BOC: variants seen among roughly 807,000 people sequenced by gnomAD.
The protein encoded by BOC is BOC cell adhesion associated, oncogene regulated.
BOC carries 76 observed loss-of-function variants against 112.0 expected under a neutral mutation model. The observed-to-expected ratio is 0.68, with a 90% confidence interval of 0.56 to 0.82. BOC has a LOEUF of 0.82. Ranked by LOEUF, BOC falls within the 40% of genes least tolerant of loss-of-function variation. BOC has a pLI of 0.00. For synonymous variants in BOC, 580 were observed against 599.8 expected (o/e 0.97, Z 0.48); for missense variants, 1,309 against 1,511.7 (o/e 0.87, Z 2.22).
At position 113,281,647 on chromosome 3, in the gene BOC, T is replaced by A. The variant is rs146033609; in HGVS notation, c.2434+494T>A. Reference sequence around the variant, plus strand: ...TTAAAACATGTTAAACATAGTCACATAATAACTTGTTAATATTTGCACATT... The same window carrying A: ...TTAAAACATGTTAAACATAGTCACAAAATAACTTGTTAATATTTGCACATT... On this transcript the variant is annotated intron_variant, in intron 15 of 19. Coordinates refer to ENST00000682979, the MANE Select transcript of BOC (RefSeq NM_001378074.1). 9.8e-5 allele frequency among the ~76,000 whole-genome samples: 15 copies of A among 152,344 alleles called. No individual in the cohort carries two copies. In the East Asian group the frequency reaches 2.9e-3, roughly 29 times the overall value.
intron 2 of BOC, among the ~76,000 whole-genome samples, chr3:113,240,372 A>G (rs1311737309): frequency 1.3e-5 from 2 of 151,958 alleles, no homozygotes; most frequent in African/African-American, 4.8e-5. Flanking sequence ...TACTCGCACC[A>G]CTCTGTCAGG....
chr3:113,283,947 C>T (rs947394706), intron 16 of BOC, among the ~76,000 whole-genome samples: 2 of 152,016 alleles, frequency 1.3e-5, no homozygotes, highest in African/African-American at 4.8e-5. Context: ...CTGCCTCTTC[C>T]CTGGGTGCGG....
chr3:113,252,168 C>T (rs1945714794), intron 4 of BOC, among the ~76,000 whole-genome samples: 1 of 152,168 alleles, frequency 6.6e-6, no homozygotes, highest in Admixed American at 6.5e-5. Context: ...AGCCTGTGGC[C>T]AGGAAGCTTA....
At chr3:113,227,685 TG>T (rs1298309497) in intron 2 of BOC, among the ~76,000 whole-genome samples, 4 of 152,104 alleles carry the variant, frequency 2.6e-5, no homozygotes, top group African/African-American at 9.7e-5. Context: ...GGTGCAGGAT[TG>T]GGAAGGTTTG....
intron 4 of BOC, among the ~76,000 whole-genome samples, chr3:113,254,684 C>T (rs1026846992): frequency 1.3e-5 from 2 of 152,228 alleles, no homozygotes; most frequent in Non-Finnish European, 1.5e-5. Flanking sequence ...TTTCCTCTGG[C>T]CTCTTCTCCA....
chr3:113,276,245 G>A (rs961592930), intron 9 of BOC, among the ~76,000 whole-genome samples: 1 of 152,216 alleles, frequency 6.6e-6, no homozygotes, highest in Admixed American at 6.5e-5. Flanking sequence ...TCGCAGAAGA[G>A]GCAGATTGGC....
intron 1 of BOC, among the ~76,000 whole-genome samples, chr3:113,213,208 G>C (rs1305119654): frequency 6.6e-6 from 1 of 152,146 alleles, no homozygotes; most frequent in Non-Finnish European, 1.5e-5. Context: ...AGTTCAAATG[G>C]GTTCGCCTAA....
intron 2 of BOC, among the ~76,000 whole-genome samples, chr3:113,234,186 T>G (rs1943105948): frequency 6.6e-6 from 1 of 152,224 alleles, no homozygotes. Flanking sequence ...CACATAGACT[T>G]CTGTTAGCTC....
At chr3:113,254,626 G>A (rs1576425378) in intron 4 of BOC, among the ~76,000 whole-genome samples, 1 of 152,210 alleles carries the variant, frequency 6.6e-6, no homozygotes, top group South Asian at 2.1e-4. Flanking sequence ...GCGGCGTGCC[G>A]GTGCACACGC....
intron 2 of BOC, among the ~76,000 whole-genome samples, chr3:113,218,396 C>T (rs748045232): frequency 6.6e-6 from 1 of 152,168 alleles, no homozygotes; most frequent in African/African-American, 2.4e-5. Flanking sequence ...TGGGTTTATT[C>T]GTTTTTCTGT....
intron 4 of BOC, among the ~76,000 whole-genome samples, chr3:113,258,552 T>C (rs1197732143): frequency 6.6e-6 from 1 of 152,198 alleles, no homozygotes; most frequent in Non-Finnish European, 1.5e-5. Flanking sequence ...TCGCTCCAAA[T>C]TGGAAAAACA....
chr3:113,237,960 A>G (rs1943788864), intron 2 of BOC, among the ~76,000 whole-genome samples: 1 of 152,178 alleles, frequency 6.6e-6, no homozygotes, highest in Non-Finnish European at 1.5e-5. Context: ...CCTTGCCTTC[A>G]ATGAGTTTAT....
chr3:113,285,979 T>C (rs1949645444), intron 19 of BOC, among the ~76,000 whole-genome samples: 1 of 152,210 alleles, frequency 6.6e-6, no homozygotes. Flanking sequence ...GGAATAAGGT[T>C]GCCTCAATCA....
chr3:113,262,329 C>T (rs576069751), intron 4 of BOC, among the ~76,000 whole-genome samples: 1 of 152,274 alleles, frequency 6.6e-6, no homozygotes, highest in South Asian at 2.1e-4. Context: ...ATTATTGTGT[C>T]CTGCCTTGTC....
At position 113,232,455 on chromosome 3, in the gene BOC, G is replaced by A. The variant is rs531678039; in HGVS notation, c.-82+16181G>A. On this transcript the variant is annotated intron_variant, in intron 2 of 19. Transcript: ENST00000682979. ...TGAATGTGTATATTTGGGGGTCAGG[G>A]AGGTGGCAAAGAAAGTGAGTTTGTA... Among the ~76,000 whole-genome samples the A allele has an allele frequency of 5.9e-5, 9 of 152,332 alleles. No homozygotes were observed. The South Asian group carries it at 1.7e-3, about 28-fold the overall frequency.
intron 19 of BOC, among the ~76,000 whole-genome samples, 163 bp from the exon 20 acceptor site, chr3:113,286,512 C>T (rs895314522): frequency 1.2e-4 from 19 of 152,002 alleles, no homozygotes; most frequent in Non-Finnish European, 1.9e-4. Flanking sequence ...GATGAGAGAC[C>T]TTGGAGGGAA....
intron 9 of BOC, among the ~76,000 whole-genome samples, chr3:113,276,484 T>C (rs1422157342): frequency 6.6e-6 from 1 of 152,200 alleles, no homozygotes; most frequent in Non-Finnish European, 1.5e-5. Flanking sequence ...TGGGGTCTCC[T>C]CAGCCTGGGG....
intron 2 of BOC, among the ~76,000 whole-genome samples, chr3:113,244,498 A>G (rs983724488): frequency 6.6e-6 from 1 of 152,186 alleles, no homozygotes. Context: ...GATGTTCCAG[A>G]TATTAGTCTA....
intron 2 of BOC, among the ~76,000 whole-genome samples, chr3:113,242,704 T>C (rs1944456186): frequency 6.6e-6 from 1 of 152,102 alleles, no homozygotes; most frequent in South Asian, 2.1e-4. Flanking sequence ...ATTCCCTTGC[T>C]CAAAAACCAT....
Sources: allele counts gnomAD v4.1 joint callset (sites outside exome capture counted in the v4.1 genomes callset), GRCh38; gene constraint gnomAD v4.1.1; transcripts MANE v1.5; gene names NCBI Gene and HGNC (gene_info 2026-07-23, HGNC 2026-07-21).